The following CIMAP1D variants were observed in gnomAD, a reference collection of about 807,000 sequenced individuals.
CIMAP1D encodes the protein protein CIMAP1D.
At chr19:487,710 T>G in the CIMAP1D span, among the ~76,000 whole-genome samples, 1 of 151,712 alleles carries the variant, frequency 6.6e-6, no homozygotes, top group Admixed American at 6.6e-5. Flanking sequence ...TCAGCTGAGG[T>G]CAGGAGTTCG....
chr19:467,956 ACT>A, the CIMAP1D span, among the ~76,000 whole-genome samples: 1 of 151,268 alleles, frequency 6.6e-6, no homozygotes, highest in Admixed American at 6.6e-5. Context: ...CTCTGCTCTG[ACT>A]CTGTCTCCTC....
the CIMAP1D span, among the ~76,000 whole-genome samples, chr19:476,017 G>A: frequency 3.2e-4 from 2 of 6,298 alleles, no homozygotes; most frequent in East Asian, 3.2e-3. Flanking sequence ...TTTTTTTTTT[G>A]AGACAGAGTC....
chr19:469,196 C>G, the CIMAP1D span, among the ~76,000 whole-genome samples: 1 of 151,478 alleles, frequency 6.6e-6, no homozygotes, highest in African/African-American at 2.4e-5. Context: ...ATACAGTCCC[C>G]CAGGACTGGA....
At chr19:490,383 A>C in the CIMAP1D span, 1 of 170,752 alleles carries the variant, frequency 5.9e-6, no homozygotes, top group East Asian at 1.7e-4. Flanking sequence ...AGAAACGTAA[A>C]ACAAAGATGT....
At chr19:465,816 A>G in the CIMAP1D span, among the ~76,000 whole-genome samples, 4 of 103,176 alleles carry the variant, frequency 3.9e-5, no homozygotes, top group Admixed American at 1.1e-4. Flanking sequence ...TGGATGGATG[A>G]GTGGGTGGGT....
the CIMAP1D span, among the ~76,000 whole-genome samples, chr19:490,893 G>T: frequency 2.6e-4 from 39 of 152,372 alleles, no homozygotes; most frequent in African/African-American, 8.9e-4. Context: ...GAGGTCAGGC[G>T]TTTGAGACTA....
At chr19:481,065 G>A in the CIMAP1D span, among the ~76,000 whole-genome samples, 1 of 147,452 alleles carries the variant, frequency 6.8e-6, no homozygotes, top group Non-Finnish European at 1.5e-5. Flanking sequence ...ATGATGGAAA[G>A]GATGATGGGA....
chr19:463,659 G>A, the CIMAP1D span: 2 of 863,816 alleles, frequency 2.3e-6, no homozygotes, highest in South Asian at 1.8e-5. Flanking sequence ...ACCCTGCACA[G>A]GGCCATGGGT....
At chr19:484,743 G>T in the CIMAP1D span, among the ~76,000 whole-genome samples, 1 of 152,194 alleles carries the variant, frequency 6.6e-6, no homozygotes, top group African/African-American at 2.4e-5. Context: ...GCCGCAGGGT[G>T]AGGAGGGGAG....
At chr19:465,885 TGGGC>T in the CIMAP1D span, among the ~76,000 whole-genome samples, 48 of 38,716 alleles carry the variant, frequency 1.2e-3, no homozygotes, top group Middle Eastern at 0.02. Context: ...GGTGGGTGGA[TGGGC>T]GGGTGGATGG....
At chr19:468,001 G>A in the CIMAP1D span, among the ~76,000 whole-genome samples, 1 of 152,302 alleles carries the variant, frequency 6.6e-6, no homozygotes, top group African/African-American at 2.4e-5. Context: ...GCTGCTGTTT[G>A]TAGCCACCTC....
the CIMAP1D span, chr19:467,561 G>A: frequency 2.3e-6 from 2 of 874,568 alleles, no homozygotes; most frequent in South Asian, 2.6e-5. Flanking sequence ...GAACTCCAAG[G>A]ATAAGAGGGG....
chr19:489,729 T>G, the CIMAP1D span: 3 of 303,852 alleles, frequency 9.9e-6, no homozygotes, highest in East Asian at 5.5e-5. Context: ...GGGGGCGGGA[T>G]TGCGGCCGGG....
the CIMAP1D span, chr19:472,528 T>G: frequency 2.0e-6 from 3 of 1,472,774 alleles, no homozygotes; most frequent in Non-Finnish European, 2.8e-6. Flanking sequence ...TCAGGTCACC[T>G]CCTGGGCCCA....
chr19:480,969 T>TG, the CIMAP1D span, among the ~76,000 whole-genome samples: 1 of 53,982 alleles, frequency 1.9e-5, no homozygotes, highest in African/African-American at 1.3e-4. Flanking sequence ...GGAAGGATGA[T>TG]GGGGAAGGAT....
chr19:481,212 GA>G, the CIMAP1D span, among the ~76,000 whole-genome samples: 2 of 86,024 alleles, frequency 2.3e-5, no homozygotes, highest in Non-Finnish European at 4.2e-5. Context: ...AGGATGATGA[GA>G]AGGATGATGG....
the CIMAP1D span, chr19:472,561 G>A: frequency 2.4e-6 from 3 of 1,264,176 alleles, no homozygotes; most frequent in Non-Finnish European, 3.3e-6. Context: ...AAGGAGCCCT[G>A]GACCCAGCTC....
At chr19:464,337 G>T in the CIMAP1D span, 1 of 1,542,046 alleles carries the variant, frequency 6.5e-7, no homozygotes, top group Non-Finnish European at 8.7e-7. Flanking sequence ...TGGGCTGTAG[G>T]CCCCAGGGCC....
chr19:477,451 G>A, the CIMAP1D span, among the ~76,000 whole-genome samples: 1 of 152,054 alleles, frequency 6.6e-6, no homozygotes, highest in South Asian at 2.1e-4. Flanking sequence ...GTGCACGTCT[G>A]TAATCCCAGC....
Sources: gnomAD v4.1 joint callset for allele counts (sites outside exome capture counted in the v4.1 genomes callset) on GRCh38, gnomAD v4.1.1 for gene constraint, MANE v1.5 for transcripts, NCBI Gene and HGNC (gene_info 2026-07-23, HGNC 2026-07-21) for gene names.